The following SLC8A1 variants were observed in gnomAD, a reference collection of about 807,000 sequenced individuals.
The protein encoded by SLC8A1 is solute carrier family 8 member A1.
SLC8A1 carries 18 observed loss-of-function variants against 68.3 expected under a neutral mutation model. That is an observed-to-expected ratio of 0.26 (90% CI 0.18 to 0.39). The LOEUF is 0.39. Among genes scored for constraint, SLC8A1 ranks in the 10% least tolerant of loss-of-function variants. The pLI, the probability that SLC8A1 is intolerant of heterozygous loss-of-function variation, is 1.00. For synonymous variants in SLC8A1, 475 were observed against 415.5 expected, an observed-to-expected ratio of 1.14 and a Z score of -1.74; for missense variants, 985 against 1,156.7, an observed-to-expected ratio of 0.85 and a Z score of 2.15.
chr2:40,154,494 T>C (rs2044084647), intron 6 of SLC8A1, among the ~76,000 whole-genome samples: 1 of 144,648 alleles, frequency 6.9e-6, no homozygotes, highest in Non-Finnish European at 1.5e-5. Flanking sequence ...CTTTTTTTTT[T>C]TTTTTTGTAT....
chr2:40,381,340 C>A (rs1300794792), intron 2 of SLC8A1, among the ~76,000 whole-genome samples: 1 of 152,048 alleles, frequency 6.6e-6, no homozygotes, highest in African/African-American at 2.4e-5. Context: ...CCTTCCACAA[C>A]ACTCCTTATA....
intron 2 of SLC8A1, among the ~76,000 whole-genome samples, chr2:40,365,720 G>A (rs1675948680): frequency 6.6e-6 from 1 of 151,908 alleles, no homozygotes; most frequent in Non-Finnish European, 1.5e-5. Flanking sequence ...TGCTTATTTG[G>A]CCAGGTGCAG....
At chr2:40,219,234 AAAAAGG>A (rs942599420) in intron 2 of SLC8A1, among the ~76,000 whole-genome samples, 46 of 152,326 alleles carry the variant, frequency 3.0e-4, no homozygotes, top group Admixed American at 7.2e-4. Context: ...GAGAACAAGG[AAAAAGG>A]AAAAGTGGAG....
At chr2:40,472,516 G>A (rs574210480) in intron 1 of SLC8A1, among the ~76,000 whole-genome samples, 3 of 152,140 alleles carry the variant, frequency 2.0e-5, no homozygotes, top group Non-Finnish European at 4.4e-5. Flanking sequence ...TTCAACCAAT[G>A]TAAGATCTTT....
At chr2:40,187,565 C>T (rs901290392) in intron 2 of SLC8A1, among the ~76,000 whole-genome samples, 5 of 152,140 alleles carry the variant, frequency 3.3e-5, no homozygotes, top group Non-Finnish European at 7.4e-5. Flanking sequence ...CTTTCCTCTG[C>T]CAACTATGGA....
intron 2 of SLC8A1, among the ~76,000 whole-genome samples, chr2:40,340,939 C>G (rs1364323591): frequency 2.0e-5 from 3 of 152,134 alleles, no homozygotes; most frequent in Admixed American, 6.6e-5. Context: ...ATATACATTC[C>G]CATGAGAGAG....
At chr2:40,245,604 G>T (rs1397987319) in intron 2 of SLC8A1, among the ~76,000 whole-genome samples, 2 of 151,976 alleles carry the variant, frequency 1.3e-5, no homozygotes, top group African/African-American at 2.4e-5. Flanking sequence ...TTGAACCACT[G>T]AATTTAGCAA....
intron 2 of SLC8A1, among the ~76,000 whole-genome samples, chr2:40,403,041 C>T (rs531448705): frequency 6.6e-6 from 1 of 152,248 alleles, no homozygotes; most frequent in South Asian, 2.1e-4. Flanking sequence ...ACAAATGACA[C>T]TCAAATGTAT....
intron 2 of SLC8A1, among the ~76,000 whole-genome samples, chr2:40,366,611 A>G (rs1380923270): frequency 6.6e-6 from 1 of 152,052 alleles, no homozygotes; most frequent in African/African-American, 2.4e-5. Flanking sequence ...CTTAAAGAGG[A>G]TTATATAACT....
intron 2 of SLC8A1, among the ~76,000 whole-genome samples, chr2:40,335,383 G>A (rs1011542949): frequency 1.3e-5 from 2 of 152,104 alleles, no homozygotes. Context: ...ATTCAGATAT[G>A]GCTTCATCTG....
At chr2:40,177,440 T>A (rs35432865) in intron 3 of SLC8A1, among the ~76,000 whole-genome samples, 1 of 152,336 alleles carries the variant, frequency 6.6e-6, no homozygotes, top group East Asian at 1.9e-4. Context: ...TGGAGTGACA[T>A]TTTAGAATAA....
At chr2:40,144,183 C>G (rs2042056266) in intron 6 of SLC8A1, among the ~76,000 whole-genome samples, 1 of 152,182 alleles carries the variant, frequency 6.6e-6, no homozygotes, top group South Asian at 2.1e-4. Flanking sequence ...GAGCCATTAT[C>G]ATTCATTTCC....
At chr2:40,177,763 C>T (rs1293516288) in exon 3 of SLC8A1, 1 of 1,546,412 alleles carries the variant, frequency 6.5e-7, no homozygotes, top group Admixed American at 2.0e-5. Context: ...TTTCATTCCT[C>T]TTCTTATCCA....
chr2:40,431,192 T>A (rs1277498013), intron 1 of SLC8A1, among the ~76,000 whole-genome samples: 2 of 151,932 alleles, frequency 1.3e-5, no homozygotes, highest in Non-Finnish European at 2.9e-5. Flanking sequence ...AAGGCCTAGT[T>A]GTGGGTAAGC....
At chr2:40,351,193 A>G (rs931679835) in intron 2 of SLC8A1, among the ~76,000 whole-genome samples, 15 of 152,168 alleles carry the variant, frequency 9.9e-5, no homozygotes, top group Non-Finnish European at 2.2e-4. Flanking sequence ...TATCTTACCT[A>G]AGGCAGCGAC....
At chr2:40,371,664 T>C (rs1455671635) in intron 2 of SLC8A1, among the ~76,000 whole-genome samples, 20 of 152,102 alleles carry the variant, frequency 1.3e-4, no homozygotes, top group Non-Finnish European at 1.6e-4. Context: ...ATTTTGGAGA[T>C]AGAACAGAGA....
chr2:40,478,083 C>G (rs1200630215), intron 1 of SLC8A1, among the ~76,000 whole-genome samples: 2 of 152,108 alleles, frequency 1.3e-5, no homozygotes, highest in African/African-American at 4.8e-5. Flanking sequence ...GTTTTACTTT[C>G]TTTTTTTCTT....
chr2:40,243,270 C>A (rs982086222), intron 2 of SLC8A1, among the ~76,000 whole-genome samples: 13 of 152,064 alleles, frequency 8.5e-5, no homozygotes, highest in African/African-American at 3.1e-4. Flanking sequence ...TTGCTTGAGC[C>A]TCAGGAGTTC....
intron 2 of SLC8A1, among the ~76,000 whole-genome samples, chr2:40,415,252 T>C (rs1693451912): frequency 1.3e-5 from 2 of 152,190 alleles, no homozygotes; most frequent in South Asian, 4.1e-4. Flanking sequence ...TTTTTAAAGC[T>C]GGAGGGGACT....
Sources: allele counts gnomAD v4.1 joint callset (sites outside exome capture counted in the v4.1 genomes callset), GRCh38; gene constraint gnomAD v4.1.1; transcripts MANE v1.5; gene names NCBI Gene and HGNC (gene_info 2026-07-23, HGNC 2026-07-21).